Variants in ADGRB3 observed in about 807,000 individuals in gnomAD.
The protein encoded by ADGRB3 is adhesion G protein-coupled receptor B3.
ADGRB3 carries 37 observed loss-of-function variants against 193.4 expected under a neutral mutation model. That is an observed-to-expected ratio of 0.19 (90% CI 0.15 to 0.25). The LOEUF (loss-of-function observed/expected upper bound fraction) is 0.25. Ranked by LOEUF, ADGRB3 falls within the 10% of genes least tolerant of loss-of-function variation. ADGRB3 has a pLI of 1.00. For synonymous variants in ADGRB3, 690 were observed against 644.2 expected (o/e 1.07, Z -1.08); for missense variants, 1,637 against 1,852.9 (o/e 0.88, Z 2.14).
intron 13 of ADGRB3, among the ~76,000 whole-genome samples, chr6:69,025,058 C>T (rs1160888498): frequency 6.7e-6 from 1 of 149,746 alleles, no homozygotes; most frequent in Admixed American, 6.7e-5. Context: ...CGCCACTGCA[C>T]TCCAGCCTGG....
chr6:69,380,748 A>T (rs1769928983), intron 30 of ADGRB3, among the ~76,000 whole-genome samples: 1 of 151,880 alleles, frequency 6.6e-6, no homozygotes, highest in South Asian at 2.1e-4. Flanking sequence ...ACAGTTTTAC[A>T]TTTATTTGAA....
At position 68,639,567 on chromosome 6, in the gene ADGRB3, C is replaced by T. The variant is rs2127274596; in HGVS notation, c.757+135C>T. 3 of 1,246,858 alleles carry T rather than the reference C, an allele frequency of 2.4e-6. No individual in the cohort carries two copies. In the East Asian group the frequency reaches 7.7e-5, roughly 32 times the overall value. 77.2% of individuals were successfully genotyped at this position (1,246,858 alleles called of 1,614,324 possible). A position where few individuals can be genotyped will look rare whatever the true frequency, so the allele number is the denominator to read the frequency against. Reference sequence around the variant, plus strand: ...TTTGATTCATTTGATTTGTGCTATTCACTGATAAAGGTCTCTTGAGCTAGT... The same window carrying T: ...TTTGATTCATTTGATTTGTGCTATTTACTGATAAAGGTCTCTTGAGCTAGT... On this transcript the variant is annotated intron_variant, in intron 3 of 31. Transcript: ENST00000370598.
chr6:69,239,194 A>G lies in ADGRB3; in HGVS notation c.2782A>G (p.Ile928Val). 6.3e-7 allele frequency: 1 copy of G among 1,595,084 alleles called. No homozygotes were observed. The highest frequency in any genetic ancestry group is 8.6e-7 in the Non-Finnish European group (1 of 1,163,560). Residue 928 changes from isoleucine to valine, a missense_variant, in exon 20 of 32, where the codon ATA (isoleucine) becomes GTA (valine). Coordinates refer to ENST00000370598, the MANE Select transcript of ADGRB3 (RefSeq NM_001704.3). ...GTCTATCATCTCATCCAATATCCTC[A>G]TACTGGTTGGACAGACTCAGACACA... ...CLSIISSNIL[I>V]LVGQTQTHNK...
At chr6:68,880,763 C>T (rs1470973270) in intron 3 of ADGRB3, among the ~76,000 whole-genome samples, 1 of 64,322 alleles carries the variant, frequency 1.6e-5, no homozygotes, top group Non-Finnish European at 3.3e-5. Context: ...CTATTGTCCC[C>T]CAAAACAAAT....
chr6:68,842,561 G>T (rs1434486546), intron 3 of ADGRB3, among the ~76,000 whole-genome samples: 2 of 151,814 alleles, frequency 1.3e-5, no homozygotes, highest in African/African-American at 4.8e-5. Flanking sequence ...CAACTCAATG[G>T]CTTCATTACT....
chr6:68,721,176 CAT>C (rs1428481215), intron 3 of ADGRB3, among the ~76,000 whole-genome samples: 1 of 151,796 alleles, frequency 6.6e-6, no homozygotes, highest in East Asian at 1.9e-4. Flanking sequence ...TACACGCACA[CAT>C]ATGTTTATTG....
At chr6:68,642,509 G>A (rs4554295) in intron 3 of ADGRB3, among the ~76,000 whole-genome samples, 40,304 of 151,924 alleles carry the variant, frequency 0.27, 6,371 homozygotes, top group Non-Finnish European at 0.36. Context: ...GCTGTTTTTA[G>A]TGACACCAAC....
At chr6:68,664,055 G>A (rs1373889463) in intron 3 of ADGRB3, among the ~76,000 whole-genome samples, 3 of 151,666 alleles carry the variant, frequency 2.0e-5, no homozygotes, top group Non-Finnish European at 2.9e-5. Flanking sequence ...AAAATGAGTC[G>A]AATATGCTGA....
At chr6:68,747,430 G>T (rs1044504451) in intron 3 of ADGRB3, among the ~76,000 whole-genome samples, 1 of 152,140 alleles carries the variant, frequency 6.6e-6, no homozygotes, top group Non-Finnish European at 1.5e-5. Flanking sequence ...AATTGATAAA[G>T]AACTTTTTAT....
In ADGRB3 at chr6:69,172,673, G is replaced by GAA. The variant is rs1372487542; in HGVS notation, c.2481-60616_2481-60615insAA. On this transcript the variant is annotated intron_variant, in intron 17 of 31. Transcript: ENST00000370598. ...AAAAAAAAAAAAAAAAAAAAAAAAA[G>GAA]AGAAATAAAGAAAAAGAAAAGAAAG... 2.1e-3 allele frequency among the ~76,000 whole-genome samples: 202 copies of GAA among 97,848 alleles called. 6 individuals are homozygous for GAA. Among genetic ancestry groups the GAA allele is most frequent in the Non-Finnish European group, 3.4e-3 (169 of 49,430 alleles). The allele number at this position is 97,848 out of a possible 152,430, so 64.2% of individuals were successfully genotyped here. A position where few individuals can be genotyped will look rare whatever the true frequency, so the allele number is the denominator to read the frequency against.
At chr6:68,783,300 A>G (rs1288233018) in intron 3 of ADGRB3, among the ~76,000 whole-genome samples, 2 of 146,822 alleles carry the variant, frequency 1.4e-5, no homozygotes, top group East Asian at 2.0e-4. Context: ...AAATATATAT[A>G]TATATATAAC....
intron 10 of ADGRB3, among the ~76,000 whole-genome samples, chr6:68,978,337 T>C (rs1768808565): frequency 9.5e-6 from 1 of 104,860 alleles, no homozygotes; most frequent in South Asian, 2.9e-4. Flanking sequence ...GATACATAGA[T>C]AGATAGGTAG....
chr6:69,117,601 A>G (rs1050214852), intron 17 of ADGRB3, among the ~76,000 whole-genome samples: 3 of 149,310 alleles, frequency 2.0e-5, no homozygotes, highest in South Asian at 2.1e-4. Flanking sequence ...TTAAAATGTA[A>G]TTACCTCAAC....
chr6:69,348,036 C>T (rs575558930), intron 26 of ADGRB3, among the ~76,000 whole-genome samples: 3 of 152,234 alleles, frequency 2.0e-5, no homozygotes, highest in Admixed American at 1.3e-4. Flanking sequence ...AATTCTCCTT[C>T]CAGATTAACC....
At chr6:68,848,146 T>C (rs559693144) in intron 3 of ADGRB3, among the ~76,000 whole-genome samples, 1 of 151,992 alleles carries the variant, frequency 6.6e-6, no homozygotes, top group Non-Finnish European at 1.5e-5. Flanking sequence ...TTAAAAACTT[T>C]TAAACATAAA....
intron 10 of ADGRB3, among the ~76,000 whole-genome samples, chr6:68,981,499 TA>T (rs1457974273): frequency 6.6e-6 from 1 of 151,770 alleles, no homozygotes; most frequent in Non-Finnish European, 1.5e-5. Flanking sequence ...ATTATGCCTG[TA>T]AAACTTTCAA....
intron 13 of ADGRB3, among the ~76,000 whole-genome samples, chr6:69,046,950 C>A (rs1170577696): frequency 2.0e-5 from 3 of 152,160 alleles, no homozygotes; most frequent in Admixed American, 2.0e-4. Flanking sequence ...CTCCACCTCC[C>A]GGGTTCACAC....
At chr6:69,313,541 T>C (rs1028229674) in intron 20 of ADGRB3, among the ~76,000 whole-genome samples, 46 of 151,808 alleles carry the variant, frequency 3.0e-4, no homozygotes, top group Non-Finnish European at 6.6e-4. Flanking sequence ...TTTGCTTTGC[T>C]TGTTGCAAGT....
intron 3 of ADGRB3, among the ~76,000 whole-genome samples, chr6:68,869,247 C>G (rs1765393360): frequency 2.0e-5 from 3 of 152,062 alleles, no homozygotes; most frequent in Admixed American, 1.3e-4. Context: ...TTTTTAATCC[C>G]TTCAGAAATG....
Sources: allele counts gnomAD v4.1 joint callset (sites outside exome capture counted in the v4.1 genomes callset), GRCh38; gene constraint gnomAD v4.1.1; transcripts MANE v1.5; gene names NCBI Gene and HGNC (gene_info 2026-07-23, HGNC 2026-07-21).